The following TRAPPC9 variants were observed in gnomAD, a reference collection of about 807,000 sequenced individuals.
The protein encoded by TRAPPC9 is IKK2 binding protein.
A neutral mutation model predicts 124.0 loss-of-function variants in TRAPPC9; 83 were observed. That is an observed-to-expected ratio of 0.67 (90% confidence interval 0.56 to 0.80). TRAPPC9 has a LOEUF of 0.80. TRAPPC9 is among the 30% of genes least tolerant of loss of function. TRAPPC9 has a pLI of 0.00. For synonymous variants in TRAPPC9, 638 were observed against 617.5 expected (o/e 1.03, Z -0.49); for missense variants, 1,302 against 1,508.3 (o/e 0.86, Z 2.27).
chr8:140,458,491 C>T (rs755963993), upstream of TRAPPC9: 3 of 1,575,862 alleles, frequency 1.9e-6, no homozygotes, highest in South Asian at 1.2e-5. Flanking sequence ...CCGGGAGGCA[C>T]GTGAGGTGCG....
At chr8:139,973,717 G>T (rs1208832608) in intron 19 of TRAPPC9, among the ~76,000 whole-genome samples, 1 of 152,178 alleles carries the variant, frequency 6.6e-6, no homozygotes, top group African/African-American at 2.4e-5. Context: ...AAAGTCGAAG[G>T]CGGTACTGAG....
intron 15 of TRAPPC9, among the ~76,000 whole-genome samples, chr8:140,273,704 G>A (rs79065477): frequency 0.02 from 3,106 of 152,186 alleles, 104 homozygotes; most frequent in African/African-American, 0.068. Context: ...TGGGTGCTGC[G>A]TTGCCTACTC....
chr8:139,775,886 C>A (rs1041465385), intron 21 of TRAPPC9, among the ~76,000 whole-genome samples: 1 of 152,238 alleles, frequency 6.6e-6, no homozygotes, highest in South Asian at 2.1e-4. Flanking sequence ...GAAATGCCCT[C>A]GTCCATTTCC....
intron 17 of TRAPPC9, among the ~76,000 whole-genome samples, chr8:140,054,444 T>C (rs187973286): frequency 1.3e-5 from 2 of 152,040 alleles, no homozygotes; most frequent in East Asian, 3.9e-4. Flanking sequence ...TCTGTGGCAA[T>C]AAACACCTGT....
At chr8:140,433,282 ACT>A (rs1244391927) in intron 4 of TRAPPC9, among the ~76,000 whole-genome samples, 9 of 147,082 alleles carry the variant, frequency 6.1e-5, no homozygotes, top group East Asian at 2.0e-4. Flanking sequence ...ACAGAGCAAG[ACT>A]CTGTCTCAAA....
chr8:140,161,036 C>T lies in TRAPPC9; in HGVS notation c.2556+60423G>A, dbSNP rs147270000. Among the ~76,000 whole-genome samples, 11 of 152,246 alleles carry T rather than the reference C, an allele frequency of 7.2e-5. No homozygotes were observed. The East Asian group carries it at 1.5e-3, about 21-fold the overall frequency. The stretch of plus-strand genomic sequence containing the variant: ...CGTTTTACAGATGAGGAAGTTGAGG[C>T]TTGGAGGAGTCAGTGACTTGCTAAA... On this transcript the variant is annotated intron_variant, in intron 17 of 22. Coordinates refer to ENST00000438773, the MANE Select transcript of TRAPPC9 (RefSeq NM_001160372.4).
chr8:139,943,321 C>A (rs1386482785), intron 19 of TRAPPC9, among the ~76,000 whole-genome samples: 1 of 152,204 alleles, frequency 6.6e-6, no homozygotes, highest in Admixed American at 6.5e-5. Flanking sequence ...CCTGTCTTGG[C>A]CTCCCAAAGT....
At chr8:140,258,266 T>C (rs1045426527) in intron 15 of TRAPPC9, among the ~76,000 whole-genome samples, 6 of 152,362 alleles carry the variant, frequency 3.9e-5, no homozygotes, top group African/African-American at 1.4e-4. Flanking sequence ...GGTGACCCTG[T>C]GCGACTAATT....
At chr8:139,798,466 G>A (rs1316357490) in intron 21 of TRAPPC9, among the ~76,000 whole-genome samples, 1 of 152,236 alleles carries the variant, frequency 6.6e-6, no homozygotes, top group Non-Finnish European at 1.5e-5. Context: ...GGGGGTTGAT[G>A]TGTAACCCAG....
chr8:140,435,671 A>G (rs138631748), intron 3 of TRAPPC9, among the ~76,000 whole-genome samples: 74 of 152,344 alleles, frequency 4.9e-4, no homozygotes, highest in Non-Finnish European at 9.1e-4. Flanking sequence ...TTTCACAGTA[A>G]TAGCACCAAA....
At chr8:140,077,606 C>A (rs1843582920) in intron 17 of TRAPPC9, among the ~76,000 whole-genome samples, 1 of 151,886 alleles carries the variant, frequency 6.6e-6, no homozygotes, top group Non-Finnish European at 1.5e-5. Flanking sequence ...GCTGGGGGGA[C>A]TCCAAGGCCA....
chr8:139,871,273 C>T (rs989947366), intron 21 of TRAPPC9, among the ~76,000 whole-genome samples: 6 of 152,148 alleles, frequency 3.9e-5, no homozygotes, highest in African/African-American at 1.4e-4. Flanking sequence ...ATAGGGCATG[C>T]TATGTTGAGT....
intron 7 of TRAPPC9, among the ~76,000 whole-genome samples, chr8:140,397,024 T>C (rs896979148): frequency 6.6e-6 from 1 of 152,206 alleles, no homozygotes; most frequent in African/African-American, 2.4e-5. Flanking sequence ...CTGGTGTCCT[T>C]AAGCAAATTG....
chr8:139,884,491 T>C (rs992621781), intron 21 of TRAPPC9, among the ~76,000 whole-genome samples: 3 of 152,132 alleles, frequency 2.0e-5, no homozygotes, highest in Non-Finnish European at 4.4e-5. Flanking sequence ...CTTCGCTCAT[T>C]TGCCCCATGA....
chr8:140,091,518 C>T (rs2130182730), intron 17 of TRAPPC9, among the ~76,000 whole-genome samples: 1 of 152,326 alleles, frequency 6.6e-6, no homozygotes. Flanking sequence ...AATGTCTCTA[C>T]TTCCTAGGCA....
intron 21 of TRAPPC9, among the ~76,000 whole-genome samples, chr8:139,795,206 C>A (rs193022112): frequency 3.9e-5 from 6 of 152,326 alleles, no homozygotes; most frequent in Admixed American, 3.3e-4. Context: ...GTCCTGGCTC[C>A]AGCACAGAGC....
At chr8:140,238,305 T>A (rs900529867) in intron 16 of TRAPPC9, 2 of 152,242 alleles carry the variant, frequency 1.3e-5, no homozygotes, top group African/African-American at 4.8e-5. Context: ...CCTCCCCACC[T>A]ACAGGCTAAC....
chr8:140,285,966 G>A (rs1328748375), intron 13 of TRAPPC9, among the ~76,000 whole-genome samples: 1 of 152,220 alleles, frequency 6.6e-6, no homozygotes, highest in Non-Finnish European at 1.5e-5. Flanking sequence ...GACCTACTGT[G>A]TGCCAGGCTC....
chr8:139,752,137 A>G (rs1373243466), intron 21 of TRAPPC9, among the ~76,000 whole-genome samples: 1 of 148,600 alleles, frequency 6.7e-6, no homozygotes. Context: ...ATCCATCTAT[A>G]TATCGATCCA....
Sources: allele counts gnomAD v4.1 joint callset (sites outside exome capture counted in the v4.1 genomes callset), GRCh38; gene constraint gnomAD v4.1.1; transcripts MANE v1.5; gene names NCBI Gene and HGNC (gene_info 2026-07-23, HGNC 2026-07-21).